Variants in ITPRID2 observed in about 807,000 individuals in gnomAD.
The protein encoded by ITPRID2 is ITPR interacting domain containing 2, also known as protein ITPRID2.
A neutral mutation model predicts 124.3 loss-of-function variants in ITPRID2; 60 were observed. That is an observed-to-expected ratio of 0.48 (90% CI 0.39 to 0.60). The LOEUF is 0.60. Ranked by LOEUF, ITPRID2 falls within the 20% of genes least tolerant of loss-of-function variation. The pLI, the probability that ITPRID2 is intolerant of heterozygous loss-of-function variation, is 0.00. For synonymous variants in ITPRID2, 521 were observed against 542.9 expected, an observed-to-expected ratio of 0.96 and a Z score of 0.56; for missense variants, 1,553 against 1,512.2, an observed-to-expected ratio of 1.03 and a Z score of -0.45.
In ITPRID2 at chr2:181,907,444, TG is replaced by T. The variant is rs1464391215; in HGVS notation, c.1414-2453del. Among the ~76,000 whole-genome samples the T allele has an allele frequency of 6.1e-3, 364 of 59,564 alleles. No homozygotes were observed. Among genetic ancestry groups the T allele is most frequent in the African/African-American group, 0.015 (344 of 22,932 alleles). 39.1% of individuals were successfully genotyped at this position (59,564 alleles called of 152,430 possible). On this transcript the variant is annotated intron_variant, in intron 8 of 17. Transcript: ENST00000431877. This position sits in a 1 kb window ranked among gnomAD's most constrained non-coding sequence, Gnocchi z 5.1. ...ATGCAATTTTATCACTTTGGTTTAG[TG>T]GTTTTTTTTTTTTTTTATATTATGA...
rs936703249 is a variant in ITPRID2 at position 181,892,623 on chromosome 2, C to A, written c.220C>A (p.Pro74Thr). 1 of 1,614,026 alleles carries A rather than the reference C, an allele frequency of 6.2e-7. No individual in the cohort carries two copies. The highest frequency in any genetic ancestry group is 1.3e-5 in the African/African-American group (1 of 74,922). ...LPAAGGRGNV[P>T]NEKIAIWLKD... ...CCTCTCTCTACCCCCAGGAAACGTG[C>A]CCAACGAGAAGATCGCGATATGGCT... The change falls in exon 2 of 18, where the codon CCC (proline) becomes ACC (threonine). Residue 74 changes from proline (P) to threonine (T), a missense_variant. Pro to Thr is a conservative substitution (Grantham distance 38). Transcript: ENST00000431877. The surrounding 1 kb of genome is among the most constrained non-coding windows in gnomAD (Gnocchi z 5.2).
intron 17 of ITPRID2, among the ~76,000 whole-genome samples, 192 bp from the exon 18 acceptor site, chr2:181,929,369 G>A (rs1695114049): frequency 6.6e-6 from 1 of 151,836 alleles, no homozygotes; most frequent in South Asian, 2.1e-4. Flanking sequence ...ATGTCACAAA[G>A]CAATTAATAG....
Position 181,922,378 on chromosome 2 carries a change from T to G in ITPRID2, c.3641T>G (p.Val1214Gly). The G allele has an allele frequency of 2.5e-6, 4 of 1,613,068 alleles. No homozygotes were observed. Among genetic ancestry groups the G allele is most frequent in the Non-Finnish European group, 3.4e-6 (4 of 1,179,406 alleles). Residue 1214 changes from valine (V) to glycine (G), a missense_variant, in exon 16 of 18, where the codon GTG (valine) becomes GGG (glycine). Physicochemically the swap from Val to Gly is moderately radical, Grantham distance 109 (BLOSUM62 -3). Coordinates refer to ENST00000431877, the MANE Select transcript of ITPRID2 (RefSeq NM_001130445.3). ...MPAAEEMHKN[V>G]EQDELQQVIR... Reference sequence around the variant, plus strand: ...GCTGCTGAGGAAATGCATAAAAATGTGGAGCAAGATGAGTTGCAGCAAGTC... The same window carrying G: ...GCTGCTGAGGAAATGCATAAAAATGGGGAGCAAGATGAGTTGCAGCAAGTC...
intron 6 of ITPRID2, among the ~76,000 whole-genome samples, chr2:181,899,696 T>A (rs567533685): frequency 1.3e-5 from 2 of 152,122 alleles, no homozygotes; most frequent in South Asian, 4.1e-4. Flanking sequence ...ATGCAAAAAT[T>A]AGCTGGGTAT....
Position 181,892,844 on chromosome 2 carries a change from T to A in ITPRID2, c.257+184T>A. Reference sequence around the variant, plus strand: ...AAATGGAAGTGCTGTGACCGCTGATTATTTGGTGACCGTGTTGACTTTACA... The same window carrying A: ...AAATGGAAGTGCTGTGACCGCTGATAATTTGGTGACCGTGTTGACTTTACA... On this transcript the variant is annotated intron_variant, in intron 2 of 17. Coordinates refer to ENST00000431877, the MANE Select transcript of ITPRID2 (RefSeq NM_001130445.3). This position sits in a 1 kb window ranked among gnomAD's most constrained non-coding sequence, Gnocchi z 5.2. 1.5e-6 allele frequency: 1 copy of A among 656,672 alleles called. No individual in the cohort carries two copies. The allele number at this position is 656,672 out of a possible 1,614,324, so 40.7% of individuals were successfully genotyped here.
At chr2:181,913,778 T>C (rs1693812497) in intron 9 of ITPRID2, 67 bp from the exon 10 acceptor site, 1 of 1,171,496 alleles carries the variant, frequency 8.5e-7, no homozygotes, top group Non-Finnish European at 1.2e-6. Context: ...CTCTCAGTAA[T>C]TTCTTATAGC....
chr2:181,918,908 A>G (rs369073789), intron 13 of ITPRID2, 26 bp downstream of exon 13: 24 of 1,602,800 alleles, frequency 1.5e-5, no homozygotes, highest in Non-Finnish European at 2.0e-5. Flanking sequence ...GTCTTAGCAC[A>G]CCTCAAAAAG....
At chr2:181,899,222 C>A in intron 6 of ITPRID2, 110 bp downstream of exon 6, 1 of 765,594 alleles carries the variant, frequency 1.3e-6, no homozygotes, top group Non-Finnish European at 2.1e-6. Context: ...AGAAAGAACA[C>A]AAAAAGAGCG....
At chr2:181,893,605 T>C (rs1263358869) in intron 2 of ITPRID2, 5 of 152,216 alleles carry the variant, frequency 3.3e-5, no homozygotes, top group African/African-American at 1.2e-4. Flanking sequence ...ACACTCTTTA[T>C]TACAGAACTC....
chr2:181,900,910 AT>A lies in ITPRID2; in HGVS notation c.712+11del. On this transcript the variant is annotated splice_region_variant and intron_variant, in intron 7 of 17. Coordinates refer to ENST00000431877, the MANE Select transcript of ITPRID2 (RefSeq NM_001130445.3). ...CCCAAATTATGCTTTAACAAGTAAG[AT>A]TTTTAAGTGTTAGGCATATTATTTT... 1 of 1,600,270 alleles carries A rather than the reference AT, an allele frequency of 6.2e-7. No homozygotes were observed. The highest frequency in any genetic ancestry group is 1.3e-5 in the African/African-American group (1 of 74,274).
Position 181,902,034 on chromosome 2 carries a change from A to G in ITPRID2, c.981A>G (p.Leu327=). ...PSPSAEKGKI[L]NVSVIEESGN... ...CATCAGCTGAAAAAGGAAAGATTCT[A>G]AATGTTTCAGTGATTGAAGAAAGTG... Residue 327 remains leucine (L), a synonymous_variant, in exon 8 of 18, where the codon CTA becomes CTG. Coordinates refer to ENST00000431877, the MANE Select transcript of ITPRID2 (RefSeq NM_001130445.3). The surrounding 1 kb of genome is among the most constrained non-coding windows in gnomAD (Gnocchi z 4.4). The G allele has an allele frequency of 6.2e-7, 1 of 1,613,546 alleles. No individual in the cohort carries two copies. The highest frequency in any genetic ancestry group is 8.5e-7 in the Non-Finnish European group (1 of 1,179,812).
rs1693253164 is a variant in ITPRID2, at chr2:181,907,661, T to G, written c.1414-2238T>G. Among the ~76,000 whole-genome samples the G allele has an allele frequency of 6.6e-6, 1 of 152,184 alleles. No homozygotes were observed. The highest frequency in any genetic ancestry group is 2.4e-5 in the African/African-American group (1 of 41,438). The stretch of plus-strand genomic sequence containing the variant: ...ACTGAATAGGGAAAATCTTGTCACA[T>G]AAATCTAAATTCTGTGTTCTATATT... On this transcript the variant is annotated intron_variant, in intron 8 of 17. Coordinates refer to ENST00000431877, the MANE Select transcript of ITPRID2 (RefSeq NM_001130445.3). This position sits in a 1 kb window ranked among gnomAD's most constrained non-coding sequence, Gnocchi z 5.1.
At chr2:181,894,358 G>A (rs532769995) in intron 2 of ITPRID2, 3 of 152,198 alleles carry the variant, frequency 2.0e-5, no homozygotes, top group Non-Finnish European at 4.4e-5. Flanking sequence ...GGCAGATTCT[G>A]TAGTCTGCTG....
chr2:181,900,691 T>C lies in ITPRID2; in HGVS notation c.504-5T>C, dbSNP rs770301903. 6.3e-7 allele frequency: 1 copy of C among 1,590,232 alleles called. No individual in the cohort carries two copies. The highest frequency in any genetic ancestry group is 8.6e-7 in the Non-Finnish European group (1 of 1,169,540). On this transcript the variant is annotated splice_polypyrimidine_tract_variant and splice_region_variant and intron_variant, in intron 6 of 17. Coordinates refer to ENST00000431877, the MANE Select transcript of ITPRID2 (RefSeq NM_001130445.3). ...TGTTTCCTTTTTTGCCCCCTTTTTT[T>C]GTAGTGTTTCAGAATTGTTGGAACT...
chr2:181,900,229 T>C lies in ITPRID2; in HGVS notation c.504-467T>C, dbSNP rs190392081. On this transcript the variant is annotated intron_variant, in intron 6 of 17. Coordinates refer to ENST00000431877, the MANE Select transcript of ITPRID2 (RefSeq NM_001130445.3). The stretch of plus-strand genomic sequence containing the variant: ...TCGCTTCTCTGAAATCAGCTTGTTA[T>C]CTTTATTGTTCCTCCTAGGACAATT... Among the ~76,000 whole-genome samples, 246 of 152,336 alleles carry C rather than the reference T, an allele frequency of 1.6e-3. 1 individual carries two copies. The highest frequency in any genetic ancestry group is 5.4e-3 in the African/African-American group (223 of 41,578).
At chr2:181,922,940 A>G (rs1230474529) in intron 16 of ITPRID2, among the ~76,000 whole-genome samples, 2 of 152,156 alleles carry the variant, frequency 1.3e-5, no homozygotes, top group Admixed American at 1.3e-4. Context: ...AAGAAACTGC[A>G]TTTTATAATT....
intron 7 of ITPRID2, among the ~76,000 whole-genome samples, chr2:181,901,321 G>T (rs1180825618): frequency 3.3e-5 from 5 of 152,086 alleles, no homozygotes; most frequent in Admixed American, 6.6e-5. Context: ...CCAAAAATAG[G>T]ATTCCAATCC....
chr2:181,896,760 AT>A lies in ITPRID2; in HGVS notation c.308-147del. On this transcript the variant is annotated intron_variant, in intron 3 of 17. Transcript: ENST00000431877. This position sits in a 1 kb window ranked among gnomAD's most constrained non-coding sequence, Gnocchi z 4.3. ...GCTTATACCTGCTTCTTGAAGTTAT[AT>A]AATCAGAATAATGTCTGAGTACATT... 1 of 664,618 alleles carries A rather than the reference AT, an allele frequency of 1.5e-6. No homozygotes were observed. The highest frequency in any genetic ancestry group is 2.7e-6 in the Non-Finnish European group (1 of 370,132). 41.2% of individuals were successfully genotyped at this position (664,618 alleles called of 1,614,324 possible).
chr2:181,928,665 G>A (rs945727426), intron 17 of ITPRID2, among the ~76,000 whole-genome samples: 6 of 148,934 alleles, frequency 4.0e-5, no homozygotes, highest in Admixed American at 6.7e-5. Flanking sequence ...TCGCTCTGTC[G>A]CCCAGGCTGG....
Sources: allele counts gnomAD v4.1 joint callset (sites outside exome capture counted in the v4.1 genomes callset), GRCh38; gene constraint gnomAD v4.1.1; non-coding constraint Gnocchi (gnomAD v3.1); transcripts MANE v1.5; gene names NCBI Gene and HGNC (gene_info 2026-07-23, HGNC 2026-07-21).